The following NDRG4 variants were observed in gnomAD, a reference collection of about 807,000 sequenced individuals.
NDRG4 encodes the protein protein NDRG4.
A neutral mutation model predicts 55.8 loss-of-function variants in NDRG4; 38 were observed. That is an observed-to-expected ratio of 0.68 (90% CI 0.53 to 0.89). The LOEUF is 0.89. Ranked by LOEUF, NDRG4 falls within the 40% of genes least tolerant of loss-of-function variation. The pLI is 0.00. For missense variants in NDRG4, 455 were observed against 468.6 expected, an observed-to-expected ratio of 0.97 and a Z score of 0.27; for synonymous variants, 190 against 182.7, an observed-to-expected ratio of 1.04 and a Z score of -0.32.
intron 8 of NDRG4, 192 bp downstream of exon 8, chr16:58,507,207 A>C: frequency 1.7e-6 from 1 of 577,366 alleles, no homozygotes; most frequent in Non-Finnish European, 3.1e-6. Flanking sequence ...AGGGTTTCAG[A>C]CTCCGGGCCT....
chr16:58,475,804 C>CTT (rs113786200), intron 1 of NDRG4: 444 of 323,350 alleles, frequency 1.4e-3, no homozygotes, highest in South Asian at 2.8e-3. Context: ...CATGTCTCCC[C>CTT]TTTTTTTTTT....
chr16:58,510,124 C>T (rs532627496), intron 13 of NDRG4, among the ~76,000 whole-genome samples: 1 of 152,332 alleles, frequency 6.6e-6, no homozygotes, highest in Admixed American at 6.5e-5. Context: ...AGGAGGGCTG[C>T]CTGTGGGAAG....
chr16:58,466,924 T>A lies in NDRG4; in HGVS notation c.-24+3127T>A, dbSNP rs116662415. Reference sequence around the variant, plus strand: ...TGGTGGGCACCTCTTGGGCCCCACCTGTCCTGGCTGGTTGGCACCTAGAGC... The same window carrying A: ...TGGTGGGCACCTCTTGGGCCCCACCAGTCCTGGCTGGTTGGCACCTAGAGC... On this transcript the variant is annotated intron_variant, in intron 1 of 15. Transcript: ENST00000258187. Among the ~76,000 whole-genome samples the A allele has an allele frequency of 8.3e-3, 1,265 of 152,276 alleles. 20 individuals carry two copies. The highest frequency in any genetic ancestry group is 0.031 in the Middle Eastern group (9 of 294).
Position 58,511,892 on chromosome 16 carries a change from T to A in NDRG4, c.*316T>A. The A allele has an allele frequency of 2.2e-6, 1 of 451,404 alleles. No homozygotes were observed. The highest frequency in any genetic ancestry group is 4.3e-6 in the Non-Finnish European group (1 of 233,716). 28.0% of individuals were successfully genotyped at this position (451,404 alleles called of 1,614,324 possible). A position where few individuals can be genotyped will look rare whatever the true frequency, so the allele number is the denominator to read the frequency against. On this transcript the variant is annotated 3_prime_UTR_variant, in exon 15 of 15. Transcript: ENST00000570248. The stretch of plus-strand genomic sequence containing the variant: ...GCTACGGATCCAGGCCATTCCTGGG[T>A]GAGCCCTTGGGCAGGCATGTTTGGA...
At chr16:58,487,836 G>T in exon 2 of NDRG4, 1 of 1,541,750 alleles carries the variant, frequency 6.5e-7, no homozygotes, top group Non-Finnish European at 8.8e-7. Flanking sequence ...CCGGGGCCAG[G>T]ACGCCACCGA....
chr16:58,480,862 G>T (rs2151631078), intron 1 of NDRG4, among the ~76,000 whole-genome samples: 1 of 152,250 alleles, frequency 6.6e-6, no homozygotes, highest in Non-Finnish European at 1.5e-5. Context: ...ACAAAAATTA[G>T]CTGGGCGTGG....
At chr16:58,495,100 T>C in intron 3 of NDRG4, 1 of 1,258,762 alleles carries the variant, frequency 7.9e-7, no homozygotes, top group Non-Finnish European at 1.1e-6. Context: ...GTCACAGCCC[T>C]TCTGTGTGCC....
In NDRG4 at chr16:58,507,013, C is replaced by T. The variant is rs2038122789; in HGVS notation, c.618C>T (p.Asn206=). The change falls in exon 8 of 15, where the codon AAC becomes AAT. Residue 206 remains asparagine (N), a splice_region_variant and synonymous_variant. Transcript: ENST00000570248. ...TGCAGCTCTTCTGGAACATGTACAA[C>T]AGGTGCGGGTGGGATCAGCAGCCCT... ...ANLQLFWNMY[N]SRRDLDINRP... is the part of the protein sequence containing the mutation. 1.9e-6 allele frequency: 3 copies of T among 1,612,416 alleles called. No homozygotes were observed. In the East Asian group the frequency reaches 6.7e-5, roughly 36 times the overall value.
intron 14 of NDRG4, 134 bp from the exon 15 acceptor site, chr16:58,511,288 C>G (rs1197313162): frequency 9.6e-7 from 1 of 1,042,422 alleles, no homozygotes; most frequent in East Asian, 2.4e-5. Context: ...TGTCGCCAGC[C>G]TCCTGACTCA....
chr16:58,506,095 C>G lies in NDRG4; in HGVS notation c.373-292C>G. Reference sequence around the variant, plus strand: ...AAGATGTTTAATACTCAATTTTGCACTTCAAAAATATATTAAGAGCTGATT... The same window carrying G: ...AAGATGTTTAATACTCAATTTTGCAGTTCAAAAATATATTAAGAGCTGATT... On this transcript the variant is annotated intron_variant, in intron 5 of 14. Coordinates refer to ENST00000570248, the MANE Select transcript of NDRG4 (RefSeq NM_001242835.2). 5.2e-6 allele frequency: 3 copies of G among 575,990 alleles called. No homozygotes were observed. In the South Asian group the frequency reaches 5.3e-5, roughly 10 times the overall value. 35.7% of individuals were successfully genotyped at this position (575,990 alleles called of 1,614,324 possible).
chr16:58,487,615 G>A (rs1317966149), intron 1 of NDRG4: 14 of 570,936 alleles, frequency 2.5e-5, no homozygotes, highest in Non-Finnish European at 3.9e-5. Context: ...GGGGCCCTAA[G>A]TGCCTGAGTG....
intron 1 of NDRG4, 116 bp downstream of exon 1, chr16:58,500,385 A>T (rs2036924911): frequency 8.0e-6 from 11 of 1,378,038 alleles, no homozygotes; most frequent in Non-Finnish European, 1.1e-5. Flanking sequence ...CCGGCCTTCA[A>T]ATAGCCTCAC....
chr16:58,493,299 C>T (rs1372998444), intron 2 of NDRG4, among the ~76,000 whole-genome samples: 3 of 152,208 alleles, frequency 2.0e-5, no homozygotes, highest in Non-Finnish European at 4.4e-5. Context: ...GACAGAGTCT[C>T]ACTCTATCAC....
Position 58,464,725 on chromosome 16 carries a change from C to T in NDRG4, c.-24+928C>T. Reference sequence around the variant, plus strand: ...GTGGCCCCATGGGGTCTCTGACCAGCGGAGCTCGGATTAGGACCCTGAAAG... The same window carrying T: ...GTGGCCCCATGGGGTCTCTGACCAGTGGAGCTCGGATTAGGACCCTGAAAG... On this transcript the variant is annotated intron_variant, in intron 1 of 15. Transcript: ENST00000258187. The surrounding 1 kb of genome is among the most constrained non-coding windows in gnomAD (Gnocchi z 4.8). 8.0e-7 allele frequency: 1 copy of T among 1,257,800 alleles called. No homozygotes were observed. Among genetic ancestry groups the T allele is most frequent in the African/African-American group, 1.6e-5 (1 of 64,054 alleles). The allele number at this position is 1,257,800 out of a possible 1,614,324, so 77.9% of individuals were successfully genotyped here.
chr16:58,465,247 C>G (rs761892634), intron 1 of NDRG4: 1 of 575,034 alleles, frequency 1.7e-6, no homozygotes, highest in South Asian at 1.5e-5. Flanking sequence ...TAAGTGTCCT[C>G]CGACACCTGG....
At chr16:58,470,907 C>A (rs7195696) in intron 1 of NDRG4, among the ~76,000 whole-genome samples, 106,382 of 132,914 alleles carry the variant, frequency 0.8, 41,262 homozygotes, top group East Asian at 0.88. Context: ...ACACCATCTC[C>A]AAAAAAAAAA....
At chr16:58,514,633 T>C (rs931900219), downstream of NDRG4, among the ~76,000 whole-genome samples, 1 of 151,538 alleles carries the variant, frequency 6.6e-6, no homozygotes, top group East Asian at 1.9e-4. Flanking sequence ...TCCCAGCTAC[T>C]TGGGAGGCTG....
chr16:58,500,131 C>T (rs1276597595), upstream of NDRG4: 7 of 1,533,974 alleles, frequency 4.6e-6, no homozygotes, highest in African/African-American at 1.4e-5. Flanking sequence ...GGCCCAGGAG[C>T]TGTGCCCCAT....
upstream of NDRG4, chr16:58,495,443 G>A (rs1297803357): frequency 6.1e-6 from 1 of 165,266 alleles, no homozygotes; most frequent in Non-Finnish European, 1.3e-5. Flanking sequence ...AGTGACCATT[G>A]ATTTCCGGGT....
Sources: gnomAD v4.1 joint callset for allele counts (sites outside exome capture counted in the v4.1 genomes callset) on GRCh38, gnomAD v4.1.1 for gene constraint, Gnocchi (gnomAD v3.1) non-coding constraint, MANE v1.5 for transcripts, NCBI Gene and HGNC (gene_info 2026-07-23, HGNC 2026-07-21) for gene names.